UNC13C: variants seen among roughly 807,000 people sequenced by gnomAD.
UNC13C encodes the protein protein unc-13 homolog C.
A neutral mutation model predicts 245.4 loss-of-function variants in UNC13C; 174 were observed. That is an observed-to-expected ratio of 0.71 (90% CI 0.63 to 0.80). The LOEUF is 0.80. Among genes scored for constraint, UNC13C ranks in the 30% least tolerant of loss-of-function variants. The pLI, the probability that UNC13C is intolerant of heterozygous loss-of-function variation, is 0.00. For missense variants in UNC13C, 2,829 were observed against 2,602.9 expected (o/e 1.09, Z -1.89); for synonymous variants, 992 against 895.1 (o/e 1.11, Z -1.93).
intron 19 of UNC13C, among the ~76,000 whole-genome samples, chr15:54,421,699 G>A (rs567416621): frequency 1.2e-4 from 19 of 152,166 alleles, no homozygotes; most frequent in African/African-American, 4.6e-4. Flanking sequence ...ATTCTTTATA[G>A]ACATCTCATT....
the UNC13C span, among the ~76,000 whole-genome samples, chr15:53,945,561 C>T: frequency 6.6e-6 from 1 of 152,090 alleles, no homozygotes; most frequent in African/African-American, 2.4e-5. Flanking sequence ...TGTAGGTGTG[C>T]AGCCTTATTT....
chr15:54,433,717 T>C (rs1379124509), intron 19 of UNC13C, among the ~76,000 whole-genome samples: 1 of 152,074 alleles, frequency 6.6e-6, no homozygotes, highest in Non-Finnish European at 1.5e-5. Flanking sequence ...CAACGTAGTA[T>C]TGGAAGTTCT....
chr15:53,942,096 C>T, the UNC13C span, among the ~76,000 whole-genome samples: 1 of 152,152 alleles, frequency 6.6e-6, no homozygotes, highest in Non-Finnish European at 1.5e-5. Flanking sequence ...TATAAAGATA[C>T]ATGCACATGT....
chr15:54,631,668 G>T (rs1349132775), downstream of UNC13C: 1 of 152,070 alleles, frequency 6.6e-6, no homozygotes, highest in Non-Finnish European at 1.5e-5. Flanking sequence ...CTACATTGTG[G>T]CATGTATAAA....
chr15:53,875,681 T>G, the UNC13C span, among the ~76,000 whole-genome samples: 5 of 152,198 alleles, frequency 3.3e-5, no homozygotes, highest in African/African-American at 9.7e-5. Flanking sequence ...TAATGCTCCC[T>G]TTGTTCCCTC....
chr15:54,339,975 G>A (rs2038690721), intron 17 of UNC13C, among the ~76,000 whole-genome samples: 1 of 152,006 alleles, frequency 6.6e-6, no homozygotes, highest in African/African-American at 2.4e-5. Context: ...TTTTTACTAT[G>A]GCCATTCTTC....
downstream of UNC13C, chr15:54,633,257 G>A (rs746682184): frequency 1.3e-5 from 2 of 151,834 alleles, no homozygotes; most frequent in African/African-American, 4.8e-5. Context: ...TAACAATATT[G>A]AATCTTCAAT....
At chr15:53,872,935 A>G in the UNC13C span, among the ~76,000 whole-genome samples, 2 of 152,168 alleles carry the variant, frequency 1.3e-5, no homozygotes, top group South Asian at 2.1e-4. Context: ...GCCATGTTCC[A>G]TGGCTTTCAG....
chr15:53,896,677 G>A, the UNC13C span, among the ~76,000 whole-genome samples: 1 of 152,032 alleles, frequency 6.6e-6, no homozygotes, highest in African/African-American at 2.4e-5. Flanking sequence ...CAGCTGAAAA[G>A]TATTCATGTT....
At chr15:54,111,829 G>T (rs1900790393) in intron 2 of UNC13C, among the ~76,000 whole-genome samples, 2 of 152,142 alleles carry the variant, frequency 1.3e-5, no homozygotes, top group South Asian at 4.1e-4. Flanking sequence ...CATGAAGGGA[G>T]ATACTGCCCT....
intron 30 of UNC13C, among the ~76,000 whole-genome samples, chr15:54,602,780 T>G (rs568401528): frequency 7.2e-5 from 11 of 152,250 alleles, no homozygotes; most frequent in Non-Finnish European, 1.2e-4. Context: ...TTGTAATCAA[T>G]TCTTTGCATT....
chr15:53,988,321 T>C (rs1443628708), intron 1 of UNC13C, among the ~76,000 whole-genome samples: 1 of 152,010 alleles, frequency 6.6e-6, no homozygotes, highest in African/African-American at 2.4e-5. Flanking sequence ...ATTTTCTTGA[T>C]ATTTGAAAGA....
chr15:54,527,892 C>T (rs2141142503), intron 25 of UNC13C, among the ~76,000 whole-genome samples: 1 of 152,240 alleles, frequency 6.6e-6, no homozygotes, highest in East Asian at 1.9e-4. Context: ...CCTCACACTA[C>T]CAATCAGGTC....
intron 2 of UNC13C, among the ~76,000 whole-genome samples, chr15:54,093,038 C>G (rs1427419381): frequency 6.6e-6 from 1 of 152,092 alleles, no homozygotes; most frequent in Non-Finnish European, 1.5e-5. Flanking sequence ...CCCCTTTAGC[C>G]TCCACTCATT....
chr15:54,402,266 C>A (rs1336236626), intron 18 of UNC13C, among the ~76,000 whole-genome samples: 1 of 151,980 alleles, frequency 6.6e-6, no homozygotes, highest in East Asian at 1.9e-4. Flanking sequence ...AACTGTTACT[C>A]ATATATATCA....
intron 24 of UNC13C, among the ~76,000 whole-genome samples, chr15:54,519,229 C>G (rs1220200705): frequency 6.6e-6 from 1 of 151,906 alleles, no homozygotes; most frequent in Non-Finnish European, 1.5e-5. Flanking sequence ...GTATGTGTTG[C>G]AGGTGAGAAG....
chr15:54,108,843 G>A (rs1261411445), intron 2 of UNC13C, among the ~76,000 whole-genome samples: 5 of 152,178 alleles, frequency 3.3e-5, no homozygotes, highest in Non-Finnish European at 4.4e-5. Flanking sequence ...CCTGCTATGG[G>A]AGATATTACA....
At position 54,414,991 on chromosome 15, in the gene UNC13C, A is replaced by G; in HGVS notation, c.4857A>G (p.Gln1619=). Residue 1619 remains glutamine, a synonymous_variant, in exon 19 of 33, where the codon CAA becomes CAG. Coordinates refer to ENST00000260323, the MANE Select transcript of UNC13C (RefSeq NM_001080534.3). The part of the protein sequence containing the change: ...AYTPVLNQFP[Q]ELNMGKISAE... ...ATGTGTTTGGTTTTAGGTTTCCTCA[A>G]GAGCTGAACATGGGAAAAATAAGTG... The G allele has an allele frequency of 6.2e-7, 1 of 1,612,618 alleles. No homozygotes were observed. The highest frequency in any genetic ancestry group is 8.5e-7 in the Non-Finnish European group (1 of 1,179,344).
chr15:54,603,581 G>A lies in UNC13C; in HGVS notation c.6107-18746G>A, dbSNP rs571390665. ...TGGATAGGAAAAATATGAAGAACTG[G>A]CCAGGCACAGTGGCTCACACCTGTA... On this transcript the variant is annotated intron_variant, in intron 30 of 32. Coordinates refer to ENST00000260323, the MANE Select transcript of UNC13C (RefSeq NM_001080534.3). Among the ~76,000 whole-genome samples the A allele has an allele frequency of 3.9e-5, 6 of 152,224 alleles. 1 individual carries two copies. Among genetic ancestry groups the A allele is most frequent in the African/African-American group, 1.4e-4 (6 of 41,544 alleles).
Sources: allele counts gnomAD v4.1 joint callset (sites outside exome capture counted in the v4.1 genomes callset), GRCh38; gene constraint gnomAD v4.1.1; transcripts MANE v1.5; gene names NCBI Gene and HGNC (gene_info 2026-07-23, HGNC 2026-07-21).